The following CDH20 variants were observed in gnomAD, a reference collection of about 807,000 sequenced individuals.
CDH20 encodes cadherin 20.
In CDH20, 29 loss-of-function variants were observed where a neutral mutation model predicts 74.2. That is an observed-to-expected ratio of 0.39 (90% CI 0.29 to 0.53). The LOEUF (loss-of-function observed/expected upper bound fraction) is 0.53, where lower values mean the gene tolerates loss of function less well. Among genes scored for constraint, CDH20 ranks in the 20% least tolerant of loss-of-function variants. The probability of loss-of-function intolerance (pLI) is 0.69; values close to 1 mark genes in which losing one functional copy is unlikely to be tolerated. For missense variants in CDH20, 988 were observed against 1,048.3 expected (o/e 0.94, Z 0.79); for synonymous variants, 469 against 405.4 (o/e 1.16, Z -1.88).
intron 1 of CDH20, among the ~76,000 whole-genome samples, chr18:61,440,312 G>T (rs1908986064): frequency 6.6e-6 from 1 of 152,092 alleles, no homozygotes; most frequent in Non-Finnish European, 1.5e-5. Flanking sequence ...TGAGAGACAT[G>T]GGCAACAGTC....
intron 1 of CDH20, among the ~76,000 whole-genome samples, chr18:61,463,276 G>T (rs888250998): frequency 1.3e-5 from 2 of 151,908 alleles, no homozygotes; most frequent in African/African-American, 4.8e-5. Context: ...CCCCATCCCG[G>T]TATCATCCTC....
intron 1 of CDH20, among the ~76,000 whole-genome samples, chr18:61,363,736 G>A (rs1043895727): frequency 6.6e-5 from 10 of 152,050 alleles, no homozygotes; most frequent in South Asian, 4.1e-4. Flanking sequence ...ATTTTATTTC[G>A]TCTTACTTAA....
intron 1 of CDH20, among the ~76,000 whole-genome samples, chr18:61,344,339 C>T (rs1304458985): frequency 1.3e-5 from 2 of 152,238 alleles, no homozygotes; most frequent in East Asian, 3.9e-4. Context: ...AATGAAGTCA[C>T]AGAGAAGATA....
intron 8 of CDH20, among the ~76,000 whole-genome samples, chr18:61,538,605 T>TTG (rs1912902799): frequency 2.5e-5 from 1 of 40,242 alleles, no homozygotes; most frequent in Admixed American, 3.4e-4. Flanking sequence ...TGTTTTTGTT[T>TTG]TTGTTTTTGT....
rs571002846 is a variant in CDH20 at position 61,364,735 on chromosome 18, T to G, written c.-153+30908T>G. On this transcript the variant is annotated intron_variant, in intron 1 of 11. Coordinates refer to ENST00000262717, the MANE Select transcript of CDH20 (RefSeq NM_031891.4). ...GTCAGCTCTCCTTCCCCTTCCACAA[T>G]GAATGGAAGCAGCCTGAGGCTTGGC... 2.6e-5 allele frequency among the ~76,000 whole-genome samples: 4 copies of G among 152,294 alleles called. No individual in the cohort carries two copies. The East Asian group carries it at 7.7e-4, about 29-fold the overall frequency.
chr18:61,443,044 T>C (rs1285440193), intron 1 of CDH20, among the ~76,000 whole-genome samples: 1 of 152,200 alleles, frequency 6.6e-6, no homozygotes, highest in African/African-American at 2.4e-5. Context: ...TTGTAAGTAC[T>C]TTTATGATGG....
chr18:61,405,335 C>T (rs1263527991), intron 1 of CDH20: 1 of 223,980 alleles, frequency 4.5e-6, no homozygotes, highest in African/African-American at 2.4e-5. Context: ...TGCCTTTGAT[C>T]CCAGCACTTT....
chr18:61,504,218 G>C (rs1053549751), intron 5 of CDH20, among the ~76,000 whole-genome samples: 9 of 152,182 alleles, frequency 5.9e-5, no homozygotes, highest in African/African-American at 2.2e-4. Flanking sequence ...GGTTGGCAAG[G>C]GCAGAGACTA....
At chr18:61,493,733 A>C (rs946590333) in intron 2 of CDH20, among the ~76,000 whole-genome samples, 1 of 152,270 alleles carries the variant, frequency 6.6e-6, no homozygotes, top group Admixed American at 6.5e-5. Context: ...AGAATTCCAA[A>C]GACTTCTAGC....
chr18:61,462,061 A>T (rs1406140499), intron 1 of CDH20, among the ~76,000 whole-genome samples: 4 of 152,272 alleles, frequency 2.6e-5, no homozygotes, highest in African/African-American at 9.6e-5. Flanking sequence ...TCAATCTTCC[A>T]TCTGCTAGGC....
intron 1 of CDH20, among the ~76,000 whole-genome samples, chr18:61,409,207 C>T (rs1259620640): frequency 6.6e-6 from 1 of 152,178 alleles, no homozygotes; most frequent in Admixed American, 6.5e-5. Context: ...ATTTTGCCAC[C>T]ATAAACCACG....
intron 1 of CDH20, among the ~76,000 whole-genome samples, chr18:61,385,649 A>C (rs1385993461): frequency 1.3e-5 from 2 of 152,104 alleles, no homozygotes; most frequent in African/African-American, 4.8e-5. Flanking sequence ...TTAACAGTTT[A>C]CAGCTGGGCG....
chr18:61,487,372 G>T (rs867718737), intron 1 of CDH20, among the ~76,000 whole-genome samples: 2 of 152,278 alleles, frequency 1.3e-5, no homozygotes, highest in Middle Eastern at 3.4e-3. Context: ...ACCTCTAATT[G>T]TGAAAAGAAT....
At position 61,352,103 on chromosome 18, in the gene CDH20, C is replaced by T. The variant is rs535670265; in HGVS notation, c.-153+18276C>T. On this transcript the variant is annotated intron_variant, in intron 1 of 11. Coordinates refer to ENST00000262717, the MANE Select transcript of CDH20 (RefSeq NM_031891.4). ...CTCTATTTAAATGATAATCACTGTG[C>T]AAAACTCAAAGTCTCTTCATTCAGG... Among the ~76,000 whole-genome samples the T allele has an allele frequency of 2.0e-5, 3 of 152,286 alleles. No homozygotes were observed. In the South Asian group the frequency reaches 6.2e-4, roughly 32 times the overall value.
chr18:61,426,617 G>A (rs902926800), intron 1 of CDH20, among the ~76,000 whole-genome samples: 1 of 152,156 alleles, frequency 6.6e-6, no homozygotes, highest in Admixed American at 6.5e-5. Context: ...TAATATATCT[G>A]CCCATTGACT....
chr18:61,436,040 C>T (rs1469749519), intron 1 of CDH20, among the ~76,000 whole-genome samples: 1 of 152,088 alleles, frequency 6.6e-6, no homozygotes, highest in Non-Finnish European at 1.5e-5. Flanking sequence ...AGTATGTGGT[C>T]ACTGTAATTC....
At position 61,479,681 on chromosome 18, in the gene CDH20, C is replaced by A. The variant is rs547192576; in HGVS notation, c.-152-10721C>A. 2.0e-5 allele frequency among the ~76,000 whole-genome samples: 3 copies of A among 151,796 alleles called. No individual in the cohort carries two copies. In the South Asian group the frequency reaches 6.2e-4, roughly 32 times the overall value. ...GTCACTATTTTTCCCCCCTAATGCT[C>A]AAAAAATCTGTCCTGTGCCTATCAA... On this transcript the variant is annotated intron_variant, in intron 1 of 11. Transcript: ENST00000262717.
At chr18:61,376,280 G>T (rs570445926) in intron 1 of CDH20, among the ~76,000 whole-genome samples, 2 of 152,108 alleles carry the variant, frequency 1.3e-5, no homozygotes, top group East Asian at 1.9e-4. Flanking sequence ...AGGAATTAGG[G>T]TTATATATTT....
At position 61,457,599 on chromosome 18, in the gene CDH20, G is replaced by A. The variant is rs1471825100; in HGVS notation, c.-152-32803G>A. Among the ~76,000 whole-genome samples, 4 of 152,104 alleles carry A rather than the reference G, an allele frequency of 2.6e-5. No individual in the cohort carries two copies. The East Asian group carries it at 7.7e-4, about 29-fold the overall frequency. On this transcript the variant is annotated intron_variant, in intron 1 of 11. Transcript: ENST00000262717. ...CTGTTTCCTCATTTGCCTTTTGACT[G>A]GATGACACTGGTATGAATGCCTGTT...
Sources: allele counts gnomAD v4.1 joint callset (sites outside exome capture counted in the v4.1 genomes callset), GRCh38; gene constraint gnomAD v4.1.1; transcripts MANE v1.5; gene names NCBI Gene and HGNC (gene_info 2026-07-23, HGNC 2026-07-21).